The following LIPJ variants were observed in gnomAD, a reference collection of about 807,000 sequenced individuals.
LIPJ encodes lipase family member J.
LIPJ carries 33 observed loss-of-function variants against 39.8 expected under a neutral mutation model. The observed-to-expected ratio is 0.83, with a 90% CI of 0.63 to 1.11. The LOEUF is 1.11. Among genes scored for constraint, LIPJ ranks in the 50% least tolerant of loss-of-function variants. The pLI is 0.00. For synonymous variants in LIPJ, 128 were observed against 139.2 expected (o/e 0.92, Z 0.57); for missense variants, 422 against 427.9 (o/e 0.99, Z 0.12).
Position 88,602,630 on chromosome 10 carries a change from A to G in LIPJ, c.778A>G (p.Met260Val), listed in dbSNP as rs1161832397. The change falls in exon 9 of 11, where the codon ATG becomes GTG. Residue 260 changes from methionine to valine, a missense_variant. Physicochemically the swap from Met to Val is conservative, Grantham distance 21. Coordinates refer to ENST00000371939, the Ensembl canonical transcript of LIPJ. ...CCCAGCAGGAACATCTGTTCAAAAT[A>G]TGCTTCATTGGAGTCAGGTATAACT... 4 of 1,588,774 alleles carry G rather than the reference A, an allele frequency of 2.5e-6. No homozygotes were observed. The African/African-American group carries it at 5.4e-5, about 22-fold the overall frequency.
At chr10:88,592,778 A>G (rs913095127) in intron 4 of LIPJ, 2 of 151,910 alleles carry the variant, frequency 1.3e-5, no homozygotes, top group Non-Finnish European at 2.9e-5. Flanking sequence ...CACTAGGGCC[A>G]TAACTAGTAT....
upstream of LIPJ, chr10:88,584,002 G>A (rs1564926737): frequency 6.6e-6 from 1 of 152,194 alleles, no homozygotes; most frequent in Non-Finnish European, 1.5e-5. Flanking sequence ...AAACAACAAA[G>A]GCAATGGTAA....
intron 10 of LIPJ, 96 bp downstream of exon 10, chr10:88,605,800 AAC>A: frequency 1.4e-6 from 1 of 739,722 alleles, no homozygotes; most frequent in Non-Finnish European, 2.4e-6. Flanking sequence ...ACAGTACAAT[AAC>A]ACACTGATTA....
At chr10:88,602,993 G>A (rs902095526) in intron 9 of LIPJ, among the ~76,000 whole-genome samples, 2 of 152,158 alleles carry the variant, frequency 1.3e-5, no homozygotes, top group African/African-American at 4.8e-5. Flanking sequence ...TTGGGAGGCT[G>A]AGGTGGGAGA....
intron 6 of LIPJ, among the ~76,000 whole-genome samples, chr10:88,595,975 A>G (rs1170041335): frequency 6.6e-6 from 1 of 151,564 alleles, no homozygotes; most frequent in Non-Finnish European, 1.5e-5. Context: ...TCACCACTGC[A>G]AGTTATAAAA....
downstream of LIPJ, among the ~76,000 whole-genome samples, chr10:88,609,104 T>G (rs921208322): frequency 2.6e-5 from 4 of 152,222 alleles, no homozygotes; most frequent in African/African-American, 9.6e-5. Context: ...GCTGCTTCAT[T>G]CTTTCCGTTC....
the LIPJ span, among the ~76,000 whole-genome samples, chr10:88,615,195 G>C: frequency 3.3e-5 from 5 of 151,870 alleles, no homozygotes; most frequent in Non-Finnish European, 4.4e-5. Context: ...AACTTCAAAG[G>C]GATTGTAATA....
At chr10:88,582,976 G>T, upstream of LIPJ, 1 of 1,395,794 alleles carries the variant, frequency 7.2e-7, no homozygotes, top group Non-Finnish European at 9.7e-7. Flanking sequence ...AGGGTATAGC[G>T]TTTTCGCCTT....
chr10:88,615,627 C>CAAA, the LIPJ span, among the ~76,000 whole-genome samples: 17 of 24,194 alleles, frequency 7.0e-4, no homozygotes, highest in Non-Finnish European at 9.4e-4. Flanking sequence ...GACTCCACCT[C>CAAA]AAAAAAAAAA....
chr10:88,613,992 A>C, the LIPJ span, among the ~76,000 whole-genome samples: 3 of 151,016 alleles, frequency 2.0e-5, no homozygotes, highest in African/African-American at 7.3e-5. Context: ...AAATTAGAAA[A>C]AATACTTAAA....
At chr10:88,609,898 CAAAAAAAA>C (rs11305444), downstream of LIPJ, among the ~76,000 whole-genome samples, 4 of 84,558 alleles carry the variant, frequency 4.7e-5, no homozygotes, top group Admixed American at 4.9e-4. Flanking sequence ...GACTCTGTCT[CAAAAAAAA>C]AAAAAAAAAA....
downstream of LIPJ, among the ~76,000 whole-genome samples, chr10:88,607,287 TC>T (rs1191767102): frequency 9.8e-5 from 15 of 152,326 alleles, no homozygotes; most frequent in African/African-American, 3.4e-4. Context: ...TTAATGTTCC[TC>T]TATGCTAAAT....
intron 8 of LIPJ, among the ~76,000 whole-genome samples, chr10:88,600,943 T>G (rs1851452023): frequency 6.6e-6 from 1 of 151,512 alleles, no homozygotes. Context: ...TATTTTATCT[T>G]ATTTTTTATT....
chr10:88,610,367 G>A (rs879489019), downstream of LIPJ, among the ~76,000 whole-genome samples: 22 of 151,974 alleles, frequency 1.4e-4, no homozygotes, highest in Non-Finnish European at 2.2e-4. Flanking sequence ...AAATGAAATT[G>A]AAAATATTAT....
intron 8 of LIPJ, among the ~76,000 whole-genome samples, chr10:88,600,081 T>G (rs182440657): frequency 1.1e-3 from 168 of 152,210 alleles, no homozygotes; most frequent in Middle Eastern, 3.4e-3. Context: ...CTCTTAGAAA[T>G]TATAAAATGT....
Position 88,598,860 on chromosome 10 carries a change from A to G in LIPJ, c.723+1924A>G, listed in dbSNP as rs1264598467. Among the ~76,000 whole-genome samples the G allele has an allele frequency of 2.7e-5, 4 of 150,828 alleles. No homozygotes were observed. In the Admixed American group the frequency reaches 2.7e-4, roughly 10 times the overall value. On this transcript the variant is annotated intron_variant, in intron 8 of 10. Coordinates refer to ENST00000371939, the Ensembl canonical transcript of LIPJ. Reference sequence around the variant, plus strand: ...AAATACAGAGAAGAATTATAATTAGAGGACATAATAAATACCTGAGTTTTA... The same window carrying G: ...AAATACAGAGAAGAATTATAATTAGGGGACATAATAAATACCTGAGTTTTA...
chr10:88,599,506 G>A (rs1044336202), intron 8 of LIPJ, among the ~76,000 whole-genome samples: 7 of 151,786 alleles, frequency 4.6e-5, no homozygotes, highest in African/African-American at 9.7e-5. Context: ...AAGATTCTAC[G>A]TAGGAGTGAT....
At chr10:88,604,763 G>T (rs550822769) in intron 9 of LIPJ, among the ~76,000 whole-genome samples, 1 of 152,276 alleles carries the variant, frequency 6.6e-6, no homozygotes, top group South Asian at 2.1e-4. Flanking sequence ...GTAAGCAGTT[G>T]TATATAGGAG....
downstream of LIPJ, among the ~76,000 whole-genome samples, chr10:88,608,809 G>GA (rs1282126887): frequency 6.6e-6 from 1 of 151,662 alleles, no homozygotes; most frequent in Non-Finnish European, 1.5e-5. Context: ...AAATCAAATG[G>GA]AAAAAAAACT....
Sources: gnomAD v4.1 joint callset for allele counts (sites outside exome capture counted in the v4.1 genomes callset) on GRCh38, gnomAD v4.1.1 for gene constraint, MANE v1.5 for transcripts, NCBI Gene and HGNC (gene_info 2026-07-23, HGNC 2026-07-21) for gene names.